Variants in MDGA2 observed in about 807,000 individuals in gnomAD.
MDGA2 encodes MAM domain-containing glycosylphosphatidylinositol anchor protein 2.
In MDGA2, 40 loss-of-function variants were observed where a neutral mutation model predicts 117.8. The ratio of observed to expected loss-of-function variants is 0.34; its 90% CI spans 0.26 to 0.44. MDGA2 has a LOEUF of 0.44. Among genes scored for constraint, MDGA2 ranks in the 20% least tolerant of loss-of-function variants. The probability of loss-of-function intolerance (pLI) is 1.00; values close to 1 mark genes in which losing one functional copy is unlikely to be tolerated. For synonymous variants in MDGA2, 452 were observed against 439.0 expected (o/e 1.03, Z -0.37); for missense variants, 1,123 against 1,250.6 (o/e 0.90, Z 1.54).
intron 3 of MDGA2, among the ~76,000 whole-genome samples, chr14:47,178,061 T>C (rs1337241223): frequency 6.6e-6 from 1 of 152,102 alleles, no homozygotes; most frequent in African/African-American, 2.4e-5. Context: ...ATATATTACT[T>C]AATATACACA....
chr14:47,662,058 T>C (rs79435289), intron 1 of MDGA2, among the ~76,000 whole-genome samples: 5,006 of 152,138 alleles, frequency 0.033, 99 homozygotes, highest in Middle Eastern at 0.068. Flanking sequence ...TTTCTAAAGG[T>C]AATTTTGTAA....
intron 2 of MDGA2, among the ~76,000 whole-genome samples, chr14:47,267,335 G>T (rs912296957): frequency 5.3e-5 from 8 of 151,990 alleles, no homozygotes; most frequent in Non-Finnish European, 1.2e-4. Context: ...ACTTGGAAAG[G>T]AAATGAAATG....
chr14:47,298,737 T>C (rs1321003838), intron 2 of MDGA2, among the ~76,000 whole-genome samples: 1 of 146,602 alleles, frequency 6.8e-6, no homozygotes, highest in Non-Finnish European at 1.5e-5. Flanking sequence ...CAGGCTGGAG[T>C]GCAGTGGCAC....
chr14:47,192,886 T>C (rs1355247330), intron 3 of MDGA2, among the ~76,000 whole-genome samples: 1 of 152,188 alleles, frequency 6.6e-6, no homozygotes, highest in Non-Finnish European at 1.5e-5. Flanking sequence ...CAGATTGATA[T>C]TCACTGCTAT....
chr14:47,079,910 T>G (rs1430219125), intron 6 of MDGA2, among the ~76,000 whole-genome samples: 1 of 151,802 alleles, frequency 6.6e-6, no homozygotes, highest in African/African-American at 2.4e-5. Context: ...TTTTTGTGTA[T>G]TTAGTAGAGA....
intron 7 of MDGA2, among the ~76,000 whole-genome samples, chr14:47,046,334 T>C (rs957932439): frequency 6.6e-6 from 1 of 151,994 alleles, no homozygotes; most frequent in South Asian, 2.1e-4. Context: ...TAATCAAGTT[T>C]TAGTTCATGT....
intron 1 of MDGA2, among the ~76,000 whole-genome samples, chr14:47,646,240 G>C (rs1897532105): frequency 6.6e-6 from 1 of 151,898 alleles, no homozygotes; most frequent in Non-Finnish European, 1.5e-5. Flanking sequence ...GTCTAGGATA[G>C]ATTACCAAAC....
chr14:47,469,767 C>A (rs1350593455), intron 1 of MDGA2, among the ~76,000 whole-genome samples: 1 of 152,110 alleles, frequency 6.6e-6, no homozygotes. Flanking sequence ...TACAGTCCCA[C>A]CAACAGTGTA....
At chr14:47,081,781 T>C (rs995632577) in intron 6 of MDGA2, among the ~76,000 whole-genome samples, 2 of 152,134 alleles carry the variant, frequency 1.3e-5, no homozygotes, top group Non-Finnish European at 2.9e-5. Flanking sequence ...GAAGAAAGAA[T>C]TGTGAATTTA....
intron 7 of MDGA2, chr14:47,059,136 A>G: frequency 1.1e-6 from 1 of 913,220 alleles, no homozygotes; most frequent in Non-Finnish European, 1.4e-6. Context: ...GAAAACCTAA[A>G]ATGAAAGGTG....
At chr14:47,464,680 G>T (rs1281457387) in intron 1 of MDGA2, among the ~76,000 whole-genome samples, 1 of 152,034 alleles carries the variant, frequency 6.6e-6, no homozygotes, top group African/African-American at 2.4e-5. Flanking sequence ...AGAAATCAGA[G>T]ATGACACAAA....
At chr14:47,189,213 C>T (rs1447473093) in intron 3 of MDGA2, among the ~76,000 whole-genome samples, 1 of 152,060 alleles carries the variant, frequency 6.6e-6, no homozygotes, top group Non-Finnish European at 1.5e-5. Flanking sequence ...TCCCCTCCCT[C>T]CCCCATCCAT....
At chr14:46,847,777 G>A (rs765187142) in intron 15 of MDGA2, among the ~76,000 whole-genome samples, 1 of 151,932 alleles carries the variant, frequency 6.6e-6, no homozygotes, top group Non-Finnish European at 1.5e-5. Context: ...TTATGAACAA[G>A]GCTGAGGTGA....
intron 1 of MDGA2, among the ~76,000 whole-genome samples, chr14:47,497,085 C>G (rs1044571438): frequency 6.6e-6 from 1 of 152,114 alleles, no homozygotes; most frequent in African/African-American, 2.4e-5. Context: ...GGCCCAGTTG[C>G]TAATAGGCCA....
intron 3 of MDGA2, among the ~76,000 whole-genome samples, chr14:47,176,073 C>A (rs185504811): frequency 3.1e-4 from 47 of 152,184 alleles, no homozygotes; most frequent in Admixed American, 2.8e-3. Context: ...GAATAAAATA[C>A]CCAGGAATCC....
chr14:47,092,907 C>T (rs182681253), intron 6 of MDGA2, among the ~76,000 whole-genome samples: 1 of 152,106 alleles, frequency 6.6e-6, no homozygotes. Flanking sequence ...CAGGGAAACG[C>T]CCATCACTGG....
chr14:47,470,194 C>T (rs973079300), intron 1 of MDGA2, among the ~76,000 whole-genome samples: 1 of 151,712 alleles, frequency 6.6e-6, no homozygotes, highest in Non-Finnish European at 1.5e-5. Context: ...TATACACGTG[C>T]CACGGCGGTT....
chr14:47,120,709 A>C (rs1296782007), intron 5 of MDGA2, among the ~76,000 whole-genome samples: 2 of 152,176 alleles, frequency 1.3e-5, no homozygotes, highest in African/African-American at 4.8e-5. Flanking sequence ...ATGTACAGTT[A>C]AAGGTTGATG....
intron 1 of MDGA2, among the ~76,000 whole-genome samples, chr14:47,664,000 T>A (rs77394874): frequency 0.08 from 12,243 of 152,104 alleles, 1,305 homozygotes; most frequent in African/African-American, 0.23. Flanking sequence ...AATTTACCCA[T>A]AACCATAAGG....
Sources: allele counts gnomAD v4.1 joint callset (sites outside exome capture counted in the v4.1 genomes callset), GRCh38; gene constraint gnomAD v4.1.1; transcripts MANE v1.5; gene names NCBI Gene and HGNC (gene_info 2026-07-23, HGNC 2026-07-21).